SEC22C: variants seen among roughly 807,000 people sequenced by gnomAD.
SEC22C encodes SEC22 homolog C, vesicle trafficking protein, also known as vesicle-trafficking protein SEC22c.
Under a neutral mutation model 34.7 loss-of-function variants are expected in SEC22C, and 29 were observed. The observed-to-expected ratio is 0.84, with a 90% CI of 0.62 to 1.14. The LOEUF is 1.14. SEC22C is among the 50% of genes most tolerant of loss of function. The pLI is 0.00. For synonymous variants in SEC22C, 117 were observed against 132.8 expected, an observed-to-expected ratio of 0.88 and a Z score of 0.82; for missense variants, 337 against 369.0, an observed-to-expected ratio of 0.91 and a Z score of 0.71.
intron 1 of SEC22C, among the ~76,000 whole-genome samples, chr3:42,570,887 TCAA>T (rs1703581722): frequency 6.6e-6 from 1 of 152,144 alleles, no homozygotes; most frequent in Admixed American, 6.5e-5. Context: ...GCTTAGGCTC[TCAA>T]CAATAACTCC....
intron 1 of SEC22C, among the ~76,000 whole-genome samples, chr3:42,598,370 C>A (rs1347504118): frequency 6.6e-6 from 1 of 151,496 alleles, no homozygotes; most frequent in Non-Finnish European, 1.5e-5. Context: ...CACTGTCACC[C>A]AGGCTGGAGT....
At chr3:42,571,556 C>T (rs1488944893) in intron 1 of SEC22C, among the ~76,000 whole-genome samples, 1 of 152,238 alleles carries the variant, frequency 6.6e-6, no homozygotes, top group South Asian at 2.1e-4. Flanking sequence ...AGACAACATC[C>T]TTGACATTAT....
intron 1 of SEC22C, among the ~76,000 whole-genome samples, chr3:42,573,962 A>C (rs1703797210): frequency 6.6e-6 from 1 of 152,192 alleles, no homozygotes; most frequent in African/African-American, 2.4e-5. Flanking sequence ...AATATTTCCC[A>C]AACTGTGCAA....
intron 1 of SEC22C, among the ~76,000 whole-genome samples, chr3:42,589,818 G>A (rs1454529243): frequency 1.3e-5 from 2 of 152,188 alleles, no homozygotes; most frequent in African/African-American, 4.8e-5. Flanking sequence ...CAAAAAGGCT[G>A]GGGACCACTG....
At chr3:42,596,312 G>A (rs930993735) in intron 1 of SEC22C, among the ~76,000 whole-genome samples, 1 of 152,154 alleles carries the variant, frequency 6.6e-6, no homozygotes, top group African/African-American at 2.4e-5. Flanking sequence ...GTAAGCCACC[G>A]CGCCCAGCCG....
chr3:42,600,916 G>A (rs1705338098), intron 1 of SEC22C: 3 of 980,584 alleles, frequency 3.1e-6, no homozygotes, highest in Non-Finnish European at 4.2e-6. Flanking sequence ...TCTCAGCCCC[G>A]CCCTCGCCCC....
chr3:42,573,856 G>A (rs1703793744), intron 1 of SEC22C, among the ~76,000 whole-genome samples: 1 of 152,160 alleles, frequency 6.6e-6, no homozygotes, highest in African/African-American at 2.4e-5. Flanking sequence ...AGACCTGTGA[G>A]ACTCTAAAAA....
chr3:42,586,675 C>T (rs889264165), upstream of SEC22C, among the ~76,000 whole-genome samples: 7 of 152,070 alleles, frequency 4.6e-5, no homozygotes, highest in Middle Eastern at 6.8e-3. Context: ...TCCATTGCAG[C>T]TTCTTTTCCT....
intron 1 of SEC22C, among the ~76,000 whole-genome samples, chr3:42,590,490 G>C (rs780046827): frequency 4.1e-4 from 63 of 152,238 alleles, no homozygotes; most frequent in African/African-American, 1.5e-3. Flanking sequence ...AGACGGGCGT[G>C]GTGGCGGGCG....
At chr3:42,557,335 G>C (rs1313489273) in intron 5 of SEC22C, among the ~76,000 whole-genome samples, 4 of 152,150 alleles carry the variant, frequency 2.6e-5, no homozygotes, top group Non-Finnish European at 5.9e-5. Flanking sequence ...TAATGTCCTT[G>C]TAGCAAATTC....
chr3:42,561,054 T>G, intron 4 of SEC22C, 63 bp downstream of exon 4: 1 of 1,503,752 alleles, frequency 6.7e-7, no homozygotes, highest in African/African-American at 1.4e-5. Flanking sequence ...AAAAAAAAAA[T>G]CAACGTCCAT....
chr3:42,598,416 C>T (rs1705100386), intron 1 of SEC22C, among the ~76,000 whole-genome samples: 1 of 151,736 alleles, frequency 6.6e-6, no homozygotes, highest in South Asian at 2.1e-4. Flanking sequence ...CAATCTCTGC[C>T]TCCCGGGTTC....
intron 1 of SEC22C, among the ~76,000 whole-genome samples, chr3:42,600,186 C>T (rs998284592): frequency 4.6e-5 from 7 of 152,274 alleles, no homozygotes; most frequent in Admixed American, 3.3e-4. Context: ...AGGACAAAAA[C>T]GGTGCCAGTG....
chr3:42,586,001 A>C (rs1704599372), upstream of SEC22C, among the ~76,000 whole-genome samples: 1 of 151,646 alleles, frequency 6.6e-6, no homozygotes, highest in African/African-American at 2.4e-5. Flanking sequence ...GCAACCATCA[A>C]AGTGATGTCC....
chr3:42,591,199 T>G, intron 1 of SEC22C: 7 of 547,222 alleles, frequency 1.3e-5, no homozygotes, highest in East Asian at 9.0e-5. Context: ...ACCCTTTCTC[T>G]CCTTTTTTTT....
chr3:42,564,005 T>C (rs1220102477), intron 2 of SEC22C: 1 of 1,148,578 alleles, frequency 8.7e-7, no homozygotes, highest in African/African-American at 1.6e-5. Flanking sequence ...TTTTTCTTCT[T>C]TAATCTACAT....
At chr3:42,591,003 A>G in intron 1 of SEC22C, 1 of 1,556,342 alleles carries the variant, frequency 6.4e-7, no homozygotes, top group Non-Finnish European at 8.7e-7. Context: ...GGGCGGAGAG[A>G]AGTCGGGATC....
chr3:42,569,088 G>A lies in SEC22C; in HGVS notation c.-27-15C>T. ...CATGAGGACACCTGAGGAAAGCAAG[G>A]TCACCTTGTTACTGAGGCTCAAATG... On this transcript the variant is annotated splice_polypyrimidine_tract_variant and intron_variant, in intron 1 of 6. Transcript: ENST00000264454. 3 of 1,570,588 alleles carry A rather than the reference G, an allele frequency of 1.9e-6. No individual in the cohort carries two copies. The highest frequency in any genetic ancestry group is 2.3e-5 in the South Asian group (2 of 87,976).
chr3:42,559,794 G>C (rs1702758594), intron 4 of SEC22C, among the ~76,000 whole-genome samples: 1 of 152,060 alleles, frequency 6.6e-6, no homozygotes, highest in South Asian at 2.1e-4. Flanking sequence ...CTATAAACAG[G>C]AATGCAAAAA....
Sources: allele counts gnomAD v4.1 joint callset (sites outside exome capture counted in the v4.1 genomes callset), GRCh38; gene constraint gnomAD v4.1.1; transcripts MANE v1.5; gene names NCBI Gene and HGNC (gene_info 2026-07-23, HGNC 2026-07-21).